USP54: variants seen among roughly 807,000 people sequenced by gnomAD.
USP54 encodes ubiquitin carboxyl-terminal hydrolase 54.
A neutral mutation model predicts 170.5 loss-of-function variants in USP54; 87 were observed. That is an observed-to-expected ratio of 0.51 (90% CI 0.43 to 0.61). The LOEUF (loss-of-function observed/expected upper bound fraction) is 0.61, where lower values mean the gene tolerates loss of function less well. Among genes scored for constraint, USP54 ranks in the 20% least tolerant of loss-of-function variants. The probability of loss-of-function intolerance (pLI) is 0.00; values close to 1 mark genes in which losing one functional copy is unlikely to be tolerated. For synonymous variants in USP54, 655 were observed against 742.8 expected, an observed-to-expected ratio of 0.88 and a Z score of 1.92; for missense variants, 1,786 against 2,047.8, an observed-to-expected ratio of 0.87 and a Z score of 2.47.
intron 4 of USP54, among the ~76,000 whole-genome samples, chr10:73,564,894 T>A (rs1397543620): frequency 1.6e-5 from 2 of 124,908 alleles, no homozygotes; most frequent in African/African-American, 3.2e-5. Flanking sequence ...CAAGTCCTCA[T>A]CTCTACCAAA....
At chr10:73,557,846 C>G (rs947106569) in intron 4 of USP54, among the ~76,000 whole-genome samples, 4 of 150,806 alleles carry the variant, frequency 2.7e-5, no homozygotes, top group Non-Finnish European at 4.4e-5. Context: ...CACATCAAGA[C>G]CAGCTCAAGA....
Position 73,523,680 on chromosome 10 carries a change from C to T in USP54, c.2265G>A (p.Gln755=). The part of the protein sequence containing the change: ...QEEVARRAQE[Q]ELRRKREKEL... ...CCTTCTCCCGTTTTCTTCGAAGTTC[C>T]TGTTCCTGCGCCCTCCTGGCCACCT... The change falls in exon 17 of 24, where the codon CAG becomes CAA. Residue 755 remains glutamine, a synonymous_variant. Transcript: ENST00000687698. The T allele has an allele frequency of 6.2e-7, 1 of 1,613,958 alleles. No individual in the cohort carries two copies. Among genetic ancestry groups the T allele is most frequent in the Non-Finnish European group, 8.5e-7 (1 of 1,179,960 alleles).
chr10:73,534,864 G>C (rs554119245), intron 11 of USP54, 94 bp from the exon 12 acceptor site: 146 of 1,215,372 alleles, frequency 1.2e-4, no homozygotes, highest in Non-Finnish European at 1.5e-4. Context: ...GCTCCATAAG[G>C]CAAGAACTTC....
At chr10:73,620,319 A>C (rs1171865268) in intron 1 of USP54, among the ~76,000 whole-genome samples, 2 of 146,376 alleles carry the variant, frequency 1.4e-5, no homozygotes, top group Admixed American at 1.3e-4. Flanking sequence ...TCTCAAAAAA[A>C]AAAAAGAAAG....
At chr10:73,527,891 A>T (rs1473764229) in intron 15 of USP54, among the ~76,000 whole-genome samples, 2 of 151,550 alleles carry the variant, frequency 1.3e-5, no homozygotes, top group African/African-American at 4.8e-5. Flanking sequence ...CCAAAATAAC[A>T]TTTGGGCTTC....
intron 3 of USP54, among the ~76,000 whole-genome samples, chr10:73,572,400 T>C (rs1180768446): frequency 2.0e-5 from 3 of 152,064 alleles, no homozygotes; most frequent in Admixed American, 6.6e-5. Context: ...AAAAAAGAAA[T>C]GATGTAGTAT....
intron 10 of USP54, 131 bp downstream of exon 10, chr10:73,539,308 ATATAT>A (rs1276885259): frequency 2.4e-5 from 6 of 255,318 alleles, no homozygotes; most frequent in Non-Finnish European, 2.8e-5. Context: ...AAAAAAAAAA[ATATAT>A]ATATATATAT....
At chr10:73,619,029 G>A (rs112997994) in intron 1 of USP54, among the ~76,000 whole-genome samples, 13,823 of 149,520 alleles carry the variant, frequency 0.092, 1,692 homozygotes, top group African/African-American at 0.2. Flanking sequence ...CCTAGCCAAC[G>A]TGGTGAAACC....
At position 73,519,881 on chromosome 10, in the gene USP54, A is replaced by G; in HGVS notation, c.2594T>C (p.Met865Thr). 6.2e-7 allele frequency: 1 copy of G among 1,614,198 alleles called. No individual in the cohort carries two copies. Among genetic ancestry groups the G allele is most frequent in the Non-Finnish European group, 8.5e-7 (1 of 1,180,038 alleles). Reference protein sequence around the residue: ...IRKARSLQDRMQQQQSPQQPS... With the variant: ...IRKARSLQDRTQQQQSPQQPS... ...CTGCTGTGGTGATTGCTGCTGCTGC[A>G]TGCGATCCTGCAGGCTCCGTGCTTT... Residue 865 changes from methionine (M) to threonine (T), a missense_variant, in exon 19 of 24, where the codon ATG becomes ACG. Physicochemically the swap from Met to Thr is moderately conservative, Grantham distance 81. This residue lies in a region of USP54 where 1,418 missense variants were observed against 1,569.0 expected (regional missense o/e 0.90). Coordinates refer to ENST00000687698, the MANE Select transcript of USP54 (RefSeq NM_001391956.1).
chr10:73,501,859 T>C lies in USP54; in HGVS notation c.4312-1021A>G, dbSNP rs530301798. The stretch of plus-strand genomic sequence containing the variant: ...CTGATGGCTCATACTTTCATATCAC[T>C]GAGATCTCTAATCAAAAGTTACTTC... On this transcript the variant is annotated intron_variant, in intron 22 of 23. Coordinates refer to ENST00000687698, the MANE Select transcript of USP54 (RefSeq NM_001391956.1). Among the ~76,000 whole-genome samples the C allele has an allele frequency of 4.6e-5, 7 of 152,350 alleles. No individual in the cohort carries two copies. In the East Asian group the frequency reaches 1.3e-3, roughly 29 times the overall value.
intron 4 of USP54, among the ~76,000 whole-genome samples, chr10:73,547,316 A>C (rs2133572095): frequency 6.6e-6 from 1 of 152,136 alleles, no homozygotes; most frequent in East Asian, 1.9e-4. Flanking sequence ...CAAGAGAATC[A>C]CTTGAACCCG....
At chr10:73,593,044 G>T (rs1245910692), upstream of USP54, among the ~76,000 whole-genome samples, 1 of 152,166 alleles carries the variant, frequency 6.6e-6, no homozygotes, top group African/African-American at 2.4e-5. Context: ...TTTGTTAGGT[G>T]AGTGTCAAAC....
chr10:73,584,846 G>A (rs1564921999), intron 1 of USP54, among the ~76,000 whole-genome samples: 1 of 152,042 alleles, frequency 6.6e-6, no homozygotes, highest in Non-Finnish European at 1.5e-5. Flanking sequence ...TAGAAACAGA[G>A]GGCCTGGTGT....
chr10:73,523,661 C>G lies in USP54; in HGVS notation c.2284G>C (p.Glu762Gln), dbSNP rs2062283822. 2 of 1,613,848 alleles carry G rather than the reference C, an allele frequency of 1.2e-6. No homozygotes were observed. The highest frequency in any genetic ancestry group is 2.7e-5 in the African/African-American group (2 of 74,892). The part of the protein sequence containing the change: ...AQEQELRRKR[E>Q]KELEAAKGFN... ...CCTTTCGCTGCCTCTAACTCCTTCT[C>G]CCGTTTTCTTCGAAGTTCCTGTTCC... The change falls in exon 17 of 24, where the codon GAG becomes CAG. Residue 762 changes from glutamate (E) to glutamine (Q), a missense_variant. Physicochemically the swap from Glu to Gln is conservative, Grantham distance 29. Coordinates refer to ENST00000687698, the MANE Select transcript of USP54 (RefSeq NM_001391956.1).
chr10:73,572,404 G>A (rs2075360844), intron 3 of USP54, among the ~76,000 whole-genome samples: 1 of 152,134 alleles, frequency 6.6e-6, no homozygotes, highest in Admixed American at 6.5e-5. Context: ...AAGAAATGAT[G>A]TAGTATATAG....
chr10:73,596,452 G>A (rs567957465), intron 1 of USP54, among the ~76,000 whole-genome samples: 47 of 151,246 alleles, frequency 3.1e-4, no homozygotes, highest in African/African-American at 9.2e-4. Context: ...CCAGCTACTC[G>A]GGAGGCTGAG....
Position 73,534,738 on chromosome 10 carries a change from T to C in USP54, c.1177A>G (p.Thr393Ala). ...GGATAGCTCTCCGTTGAGGAATCTG[T>C]TCGAGTGTCACTTGAGATGGAGGGC... ...REPSISSDTR[T>A]DSSTESYPYK... The change falls in exon 12 of 24, where the codon ACA (threonine) becomes GCA (alanine). Residue 393 changes from threonine to alanine, a missense_variant. By Grantham distance (58) the Thr-to-Ala change is moderately conservative. Transcript: ENST00000687698. The C allele has an allele frequency of 6.2e-7, 1 of 1,614,026 alleles. No homozygotes were observed. Among genetic ancestry groups the C allele is most frequent in the East Asian group, 2.2e-5 (1 of 44,882 alleles).
chr10:73,587,269 C>G (rs1168567476), intron 1 of USP54, among the ~76,000 whole-genome samples: 1 of 151,804 alleles, frequency 6.6e-6, no homozygotes, highest in East Asian at 1.9e-4. Context: ...GTCAGGAGAT[C>G]GAGACCATCC....
At chr10:73,610,261 G>A (rs1050509122) in intron 1 of USP54, among the ~76,000 whole-genome samples, 2 of 152,268 alleles carry the variant, frequency 1.3e-5, no homozygotes, top group East Asian at 1.9e-4. Context: ...CTTCTCAGGA[G>A]AAACTTAGAA....
Sources: allele counts gnomAD v4.1 joint callset (sites outside exome capture counted in the v4.1 genomes callset), GRCh38; gene constraint gnomAD v4.1.1; regional missense constraint gnomAD v4.1.1; transcripts MANE v1.5; gene names NCBI Gene and HGNC (gene_info 2026-07-23, HGNC 2026-07-21).